Variants in SPAG9 observed in about 807,000 individuals in gnomAD.
SPAG9 encodes the protein C-Jun-amino-terminal kinase-interacting protein 4.
Under a neutral mutation model 166.5 loss-of-function variants are expected in SPAG9, and 35 were observed. The observed-to-expected ratio is 0.21, with a 90% CI of 0.16 to 0.28. The LOEUF is 0.28. SPAG9 is among the 10% of genes least tolerant of loss of function. SPAG9 has a pLI of 1.00. For synonymous variants in SPAG9, 534 were observed against 565.5 expected (o/e 0.94, Z 0.79); for missense variants, 1,235 against 1,603.3 (o/e 0.77, Z 3.92).
chr17:50,970,512 C>CAA (rs369375320), intron 29 of SPAG9, among the ~76,000 whole-genome samples, 195 bp downstream of exon 29: 22 of 73,440 alleles, frequency 3.0e-4, no homozygotes, highest in Middle Eastern at 6.7e-3. Context: ...GACGTCATCT[C>CAA]AAAAAAAAAA....
intron 2 of SPAG9, among the ~76,000 whole-genome samples, chr17:51,060,951 A>G (rs1188732608): frequency 6.7e-6 from 1 of 149,954 alleles, no homozygotes; most frequent in African/African-American, 2.5e-5. Context: ...GGTTGAAGCG[A>G]TTCTCCTGCC....
chr17:51,110,744 T>C (rs1446825464), intron 1 of SPAG9, among the ~76,000 whole-genome samples: 1 of 152,076 alleles, frequency 6.6e-6, no homozygotes, highest in Non-Finnish European at 1.5e-5. Flanking sequence ...TACATTAATA[T>C]ATAAATTCCC....
Position 51,095,978 on chromosome 17 carries a change from T to TATATATAGTG in SPAG9, c.304-16275_304-16274insCACTATATAT, listed in dbSNP as rs1315936569. Among the ~76,000 whole-genome samples, 249 of 47,096 alleles carry TATATATAGTG rather than the reference T, an allele frequency of 5.3e-3. 12 individuals carry two copies. The highest frequency in any genetic ancestry group is 0.017 in the African/African-American group (211 of 12,448). 30.9% of individuals were successfully genotyped at this position (47,096 alleles called of 152,430 possible). ...ATAGTGATATATATATATAGTGATATATATATATATAGTGATATATATATA... is the reference window on the plus strand; with the variant it reads ...ATAGTGATATATATATATAGTGATATATATATAGTGATATATATATAGTGATATATATATA... On this transcript the variant is annotated intron_variant, in intron 1 of 29. Transcript: ENST00000262013.
chr17:50,991,541 T>A (rs188515456), intron 19 of SPAG9, among the ~76,000 whole-genome samples: 16 of 152,204 alleles, frequency 1.1e-4, no homozygotes, highest in South Asian at 4.1e-4. Context: ...TTTGCCACTT[T>A]AACCATTTAA....
rs746864548 is a variant in SPAG9 at position 50,974,930 on chromosome 17, C to T, written c.3541G>A (p.Val1181Ile). The change falls in exon 28 of 30, where the codon GTA becomes ATA. Residue 1181 changes from valine (V) to isoleucine (I), a missense_variant. By Grantham distance (29) the Val-to-Ile change is conservative. This residue lies in a region of SPAG9 where 243 missense variants were observed against 358.6 expected (regional missense o/e 0.68). Coordinates refer to ENST00000262013, the MANE Select transcript of SPAG9 (RefSeq NM_001130528.3). ...ACACTTCCAGGACGATTTCCTGGTA[C>T]ACCTGAGGTTTTATTTGCTGCAACA... ...PLTETNKTSG[V>I]PGNRPGSVIR... 6.2e-7 allele frequency: 1 copy of T among 1,609,216 alleles called. No homozygotes were observed. The highest frequency in any genetic ancestry group is 1.1e-5 in the South Asian group (1 of 89,716).
At chr17:51,067,352 G>A (rs550373315) in intron 2 of SPAG9, among the ~76,000 whole-genome samples, 1 of 152,244 alleles carries the variant, frequency 6.6e-6, no homozygotes, top group South Asian at 2.1e-4. Flanking sequence ...TGCCACTAAG[G>A]AATCAGTTAA....
At chr17:51,042,469 T>A (rs1270822280) in intron 4 of SPAG9, 3 of 152,160 alleles carry the variant, frequency 2.0e-5, no homozygotes, top group Non-Finnish European at 4.4e-5. Flanking sequence ...TAACGGGTCA[T>A]CCTGGGTCAT....
At chr17:51,007,482 T>A (rs1250851261) in intron 9 of SPAG9, among the ~76,000 whole-genome samples, 156 bp from the exon 10 acceptor site, 1 of 152,124 alleles carries the variant, frequency 6.6e-6, no homozygotes, top group East Asian at 1.9e-4. Context: ...GGACCTACTT[T>A]AATAGATTAT....
intron 2 of SPAG9, among the ~76,000 whole-genome samples, chr17:51,062,235 G>C (rs985528110): frequency 2.6e-5 from 4 of 152,078 alleles, no homozygotes; most frequent in African/African-American, 9.7e-5. Context: ...TCCAGAATCA[G>C]AGTGGTATAC....
At chr17:51,092,335 A>G (rs1269325416) in intron 1 of SPAG9, among the ~76,000 whole-genome samples, 2 of 61,668 alleles carry the variant, frequency 3.2e-5, no homozygotes, top group Admixed American at 4.5e-4. Flanking sequence ...GTGGGGAAAA[A>G]AAGAAAAAAA....
At chr17:51,083,821 C>T (rs1187858875) in intron 1 of SPAG9, among the ~76,000 whole-genome samples, 1 of 151,994 alleles carries the variant, frequency 6.6e-6, no homozygotes, top group Non-Finnish European at 1.5e-5. Context: ...CATCTATGAA[C>T]CATATTTCCC....
intron 3 of SPAG9, among the ~76,000 whole-genome samples, chr17:51,051,104 A>G (rs2047170615): frequency 6.6e-6 from 1 of 151,838 alleles, no homozygotes; most frequent in Admixed American, 6.6e-5. Flanking sequence ...GTGGAACTAA[A>G]GGTGTAGTGT....
intron 12 of SPAG9, among the ~76,000 whole-genome samples, chr17:51,003,276 A>C (rs1399280980): frequency 6.6e-6 from 1 of 152,018 alleles, no homozygotes; most frequent in Non-Finnish European, 1.5e-5. Context: ...AATAAAAATA[A>C]AGGATAGTGC....
Position 51,053,853 on chromosome 17 carries a change from AAGTATATATATATATATATAT to A in SPAG9, c.495+2538_495+2558del, listed in dbSNP as rs1174661582. ...ACCCTAATTAAAAAAAAAAAAAAAA[AAGTATATATATATATATATAT>A]ATATATATATATATATATATATATA... On this transcript the variant is annotated intron_variant, in intron 3 of 29. Transcript: ENST00000262013. Among the ~76,000 whole-genome samples the A allele has an allele frequency of 8.0e-4, 45 of 56,154 alleles. 1 individual carries two copies. The highest frequency in any genetic ancestry group is 5.2e-3 in the Admixed American group (20 of 3,844). 36.8% of individuals were successfully genotyped at this position (56,154 alleles called of 152,430 possible).
chr17:51,032,465 A>G (rs1034768012), intron 5 of SPAG9, among the ~76,000 whole-genome samples: 9 of 152,124 alleles, frequency 5.9e-5, no homozygotes, highest in Non-Finnish European at 1.2e-4. Flanking sequence ...GCCCAGTCCC[A>G]AATCCTTTTT....
At chr17:51,056,563 T>C in intron 2 of SPAG9, 81 bp from the exon 3 acceptor site, 1 of 859,628 alleles carries the variant, frequency 1.2e-6, no homozygotes, top group Admixed American at 1.9e-5. Flanking sequence ...CAGAATGGGC[T>C]ATCCATAATC....
chr17:50,989,843 C>T lies in SPAG9; in HGVS notation c.2647G>A (p.Glu883Lys). ...EMEAENSEVD[E>K]NVPTAEEATE... Reference sequence around the variant, plus strand: ...GCTTCTTCTGCTGTTGGAACATTTTCATCAACCTCACTATTTTCTGCTTCC... The same window carrying T: ...GCTTCTTCTGCTGTTGGAACATTTTTATCAACCTCACTATTTTCTGCTTCC... Residue 883 changes from glutamate (E) to lysine (K), a missense_variant, in exon 21 of 30, where the codon GAA becomes AAA. Physicochemically the swap from Glu to Lys is moderately conservative, Grantham distance 56. Around this residue, in one of 6 missense-constraint regions of SPAG9, gnomAD observed 493 missense variants for 559.4 expected, o/e 0.88. Transcript: ENST00000262013. 6.2e-7 allele frequency: 1 copy of T among 1,614,132 alleles called. No homozygotes were observed. The highest frequency in any genetic ancestry group is 8.5e-7 in the Non-Finnish European group (1 of 1,180,006).
At chr17:51,005,941 C>G in intron 11 of SPAG9, 144 bp downstream of exon 11, 2 of 756,282 alleles carry the variant, frequency 2.6e-6, no homozygotes, top group South Asian at 3.6e-5. Context: ...AGGCAATGGG[C>G]TGGGGCACTT....
At chr17:51,029,257 G>A (rs184320790) in intron 6 of SPAG9, among the ~76,000 whole-genome samples, 1 of 152,110 alleles carries the variant, frequency 6.6e-6, no homozygotes, top group Non-Finnish European at 1.5e-5. Context: ...CTGGAGAAAT[G>A]CAAATCAAAA....
Sources: gnomAD v4.1 joint callset for allele counts (sites outside exome capture counted in the v4.1 genomes callset) on GRCh38, gnomAD v4.1.1 for gene constraint, gnomAD v4.1.1 regional missense constraint, MANE v1.5 for transcripts, NCBI Gene and HGNC (gene_info 2026-07-23, HGNC 2026-07-21) for gene names.